NDUFA12: variants seen among roughly 807,000 people sequenced by gnomAD.
The protein encoded by NDUFA12 is NADH:ubiquinone oxidoreductase subunit A12.
NDUFA12 carries 17 observed loss-of-function variants against 20.3 expected under a neutral mutation model. The observed-to-expected ratio is 0.84, with a 90% CI of 0.57 to 1.26. The LOEUF is 1.26. Ranked by LOEUF, NDUFA12 falls within the 50% of genes most tolerant of loss-of-function variation. The pLI is 0.00. For missense variants in NDUFA12, 191 were observed against 183.7 expected (o/e 1.04, Z -0.23); for synonymous variants, 72 against 63.6 (o/e 1.13, Z -0.63).
intron 3 of NDUFA12, chr12:94,972,512 T>C (rs1017102630): frequency 4.5e-6 from 2 of 446,670 alleles, no homozygotes; most frequent in African/African-American, 4.0e-5. Context: ...GCCTGATGCA[T>C]TGTAAATTCA....
intron 3 of NDUFA12, among the ~76,000 whole-genome samples, chr12:94,993,316 G>A (rs11107848): frequency 1.3e-5 from 1 of 75,066 alleles, no homozygotes; most frequent in African/African-American, 4.0e-5. Context: ...TGGCGAAATC[G>A]CATTTCTATA....
At chr12:94,986,451 T>G (rs1222841166) in intron 3 of NDUFA12, among the ~76,000 whole-genome samples, 1 of 152,110 alleles carries the variant, frequency 6.6e-6, no homozygotes, top group Non-Finnish European at 1.5e-5. Flanking sequence ...TTTTAAGTGT[T>G]TTTACCACAA....
intron 2 of NDUFA12, among the ~76,000 whole-genome samples, chr12:95,002,333 C>T (rs1027299735): frequency 1.3e-5 from 2 of 148,314 alleles, no homozygotes; most frequent in Non-Finnish European, 3.0e-5. Context: ...CCCAACTACT[C>T]AGGCAGGCTG....
intron 3 of NDUFA12, among the ~76,000 whole-genome samples, chr12:94,985,928 T>C (rs1874421130): frequency 6.6e-6 from 1 of 151,242 alleles, no homozygotes; most frequent in Non-Finnish European, 1.5e-5. Context: ...CTACTAAAAA[T>C]ACAAAAGTTA....
intron 3 of NDUFA12, among the ~76,000 whole-genome samples, chr12:94,992,080 C>A (rs1874664912): frequency 6.6e-6 from 1 of 152,176 alleles, no homozygotes; most frequent in Admixed American, 6.5e-5. Context: ...CACAGCCCAC[C>A]AGATATACTT....
chr12:94,998,238 C>T (rs182710142), intron 2 of NDUFA12, among the ~76,000 whole-genome samples: 1 of 152,284 alleles, frequency 6.6e-6, no homozygotes, highest in African/African-American at 2.4e-5. Flanking sequence ...ATCATATGAT[C>T]ATCTCACCAG....
chr12:94,983,083 C>A (rs1565814708), intron 3 of NDUFA12, among the ~76,000 whole-genome samples: 1 of 152,138 alleles, frequency 6.6e-6, no homozygotes, highest in Non-Finnish European at 1.5e-5. Context: ...CTCTTCTAAA[C>A]CTGCTCCCCC....
intron 2 of NDUFA12, among the ~76,000 whole-genome samples, chr12:94,996,379 G>A (rs1874834296): frequency 6.8e-6 from 1 of 147,838 alleles, no homozygotes; most frequent in Non-Finnish European, 1.5e-5. Context: ...TCTCTATGTT[G>A]CCCAGGCTGG....
At chr12:94,975,187 T>C (rs1273047800) in intron 3 of NDUFA12, among the ~76,000 whole-genome samples, 1 of 152,104 alleles carries the variant, frequency 6.6e-6, no homozygotes, top group African/African-American at 2.4e-5. Context: ...AAAGTGTATG[T>C]CCTAAAACAC....
At chr12:94,985,007 A>ATAACATAAAATAAC (rs756547609) in intron 3 of NDUFA12, among the ~76,000 whole-genome samples, 10 of 147,364 alleles carry the variant, frequency 6.8e-5, no homozygotes, top group East Asian at 2.0e-4. Context: ...CATAACATAA[A>ATAACATAAAATAAC]ATAAGATAAA....
chr12:94,983,414 G>A (rs922085171), intron 3 of NDUFA12, among the ~76,000 whole-genome samples: 3 of 152,162 alleles, frequency 2.0e-5, no homozygotes, highest in South Asian at 2.1e-4. Context: ...GAAGCCAGAC[G>A]CCATGTCAAG....
intron 3 of NDUFA12, among the ~76,000 whole-genome samples, chr12:94,975,721 T>C (rs1231412517): frequency 1.3e-5 from 2 of 152,300 alleles, no homozygotes; most frequent in South Asian, 2.1e-4. Flanking sequence ...ATCCATATGA[T>C]GGAAGACTAA....
At chr12:94,991,240 C>G (rs1874631984) in intron 3 of NDUFA12, among the ~76,000 whole-genome samples, 1 of 151,868 alleles carries the variant, frequency 6.6e-6, no homozygotes, top group Non-Finnish European at 1.5e-5. Flanking sequence ...TGCCATTGCT[C>G]TCCAGCCTGG....
chr12:95,003,478 T>C (rs1002107073), intron 1 of NDUFA12, 117 bp downstream of exon 1: 1 of 1,112,390 alleles, frequency 9.0e-7, no homozygotes, highest in Non-Finnish European at 1.4e-6. Context: ...ATTGGGGCGG[T>C]TGTCCTTGAC....
At chr12:94,995,693 C>T (rs1009508698) in intron 2 of NDUFA12, among the ~76,000 whole-genome samples, 2 of 152,032 alleles carry the variant, frequency 1.3e-5, no homozygotes, top group Non-Finnish European at 2.9e-5. Flanking sequence ...GCCACCATGC[C>T]TGGCTAATTT....
rs189612821 is a variant in NDUFA12, at chr12:95,001,683, T to A, written c.169+1056A>T. ...TATAATAAAACAATGCTGTGATGTA[T>A]GTTGGTTTGCAAGAATATTTGTAGA... On this transcript the variant is annotated intron_variant, in intron 2 of 3. Coordinates refer to ENST00000327772, the MANE Select transcript of NDUFA12 (RefSeq NM_018838.5). Among the ~76,000 whole-genome samples the A allele has an allele frequency of 3.0e-4, 46 of 152,292 alleles. 1 individual carries two copies. In the East Asian group the frequency reaches 8.5e-3, roughly 28 times the overall value.
In NDUFA12 at chr12:95,003,583, CT is replaced by C; in HGVS notation, c.86+11del. Reference sequence around the variant, plus strand: ...AGCCCCAGAGGCCAAGAGCATGGCTCTGGCCGCCTACCTGAAAAAAACCCGT... The same window carrying C: ...AGCCCCAGAGGCCAAGAGCATGGCTCGGCCGCCTACCTGAAAAAAACCCGT... On this transcript the variant is annotated intron_variant, in intron 1 of 3. Coordinates refer to ENST00000327772, the MANE Select transcript of NDUFA12 (RefSeq NM_018838.5). 1.2e-6 allele frequency: 2 copies of C among 1,613,754 alleles called. No individual in the cohort carries two copies. Among genetic ancestry groups the C allele is most frequent in the Non-Finnish European group, 1.7e-6 (2 of 1,179,748 alleles).
At chr12:94,980,517 A>C (rs1874202364) in intron 3 of NDUFA12, among the ~76,000 whole-genome samples, 1 of 152,142 alleles carries the variant, frequency 6.6e-6, no homozygotes, top group African/African-American at 2.4e-5. Context: ...TTGGCCTTTC[A>C]AGGGCAAAAC....
At position 94,971,423 on chromosome 12, in the gene NDUFA12, A is replaced by C; in HGVS notation, c.*17T>G. On this transcript the variant is annotated 3_prime_UTR_variant, in exon 4 of 4. Transcript: ENST00000327772. The stretch of plus-strand genomic sequence containing the variant: ...AAAGCTCCATATTTTGCATGTTTCA[A>C]CTGTTCTTCATTGTCTTTACTTGTA... The C allele has an allele frequency of 1.2e-6, 2 of 1,612,324 alleles. No homozygotes were observed. Among genetic ancestry groups the C allele is most frequent in the African/African-American group, 2.7e-5 (2 of 75,022 alleles).
Sources: gnomAD v4.1 joint callset for allele counts (sites outside exome capture counted in the v4.1 genomes callset) on GRCh38, gnomAD v4.1.1 for gene constraint, MANE v1.5 for transcripts, NCBI Gene and HGNC (gene_info 2026-07-23, HGNC 2026-07-21) for gene names.